The following LATS2 variants were observed in gnomAD, a reference collection of about 807,000 sequenced individuals.
LATS2 encodes the protein serine/threonine-protein kinase LATS2.
LATS2 carries 24 observed loss-of-function variants against 76.0 expected under a neutral mutation model. The ratio of observed to expected loss-of-function variants is 0.32; its 90% CI spans 0.23 to 0.44. The LOEUF is 0.44. Among genes scored for constraint, LATS2 ranks in the 20% least tolerant of loss-of-function variants. LATS2 has a pLI of 1.00. For synonymous variants in LATS2, 692 were observed against 635.4 expected, an observed-to-expected ratio of 1.09 and a Z score of -1.34; for missense variants, 1,286 against 1,481.2, an observed-to-expected ratio of 0.87 and a Z score of 2.16.
intron 2 of LATS2, among the ~76,000 whole-genome samples, chr13:21,004,193 T>C (rs1871165947): frequency 1.3e-5 from 2 of 152,184 alleles, no homozygotes; most frequent in African/African-American, 4.8e-5. Flanking sequence ...CCCAGCACTT[T>C]GGGAAGCTAA....
chr13:21,053,405 G>A (rs1873344477), intron 1 of LATS2, among the ~76,000 whole-genome samples: 3 of 151,928 alleles, frequency 2.0e-5, no homozygotes, highest in South Asian at 4.2e-4. Context: ...CCACTGGCTG[G>A]TGTGCTTCCT....
At position 20,989,057 on chromosome 13, in the gene LATS2, T is replaced by G. The variant is rs531615493; in HGVS notation, c.723A>C (p.Ala241=). ...CCTGCAGCGGGAAGTGTGCCCCTGC[T>G]GCCTCTACGCTGGCACCGTAGCCCT... ...PPKGYGASVE[A]AGAHFPLQGA... The change falls in exon 4 of 8, where the codon GCA becomes GCC. Residue 241 remains alanine, a synonymous_variant. Coordinates refer to ENST00000382592, the MANE Select transcript of LATS2 (RefSeq NM_014572.3). 5.7e-6 allele frequency: 9 copies of G among 1,580,306 alleles called. No homozygotes were observed. In the African/African-American group the frequency reaches 1.1e-4, roughly 19 times the overall value.
intron 2 of LATS2, among the ~76,000 whole-genome samples, chr13:21,023,954 C>G (rs1257181611): frequency 2.6e-5 from 4 of 151,636 alleles, no homozygotes; most frequent in African/African-American, 9.7e-5. Context: ...GCCTGGGCAA[C>G]AAGAGTGAAA....
Position 20,991,566 on chromosome 13 carries a change from G to A in LATS2, c.343-162C>T, listed in dbSNP as rs1349462770. On this transcript the variant is annotated intron_variant, in intron 2 of 7. Coordinates refer to ENST00000382592, the MANE Select transcript of LATS2 (RefSeq NM_014572.3). The surrounding 1 kb of genome is among the most constrained non-coding windows in gnomAD (Gnocchi z 4.9). Reference sequence around the variant, plus strand: ...GAGACCCTCAGAATGAGTGCAGGTGGCTGTGTGCCCTGCAGGTACCTGATG... The same window carrying A: ...GAGACCCTCAGAATGAGTGCAGGTGACTGTGTGCCCTGCAGGTACCTGATG... 1.3e-5 allele frequency among the ~76,000 whole-genome samples: 2 copies of A among 152,188 alleles called. No homozygotes were observed. The highest frequency in any genetic ancestry group is 3.9e-4 in the East Asian group (2 of 5,192).
At chr13:21,008,394 G>A (rs1871443478) in intron 2 of LATS2, among the ~76,000 whole-genome samples, 1 of 152,128 alleles carries the variant, frequency 6.6e-6, no homozygotes, top group African/African-American at 2.4e-5. Flanking sequence ...TTGTTAGAAT[G>A]ACTTCAGACT....
intron 2 of LATS2, among the ~76,000 whole-genome samples, chr13:20,999,283 C>G (rs1870923716): frequency 6.6e-6 from 1 of 152,262 alleles, no homozygotes; most frequent in Admixed American, 6.5e-5. Context: ...GCCCCCGAAC[C>G]TTGGTAAACC....
At chr13:20,998,400 C>T (rs1870857933) in intron 2 of LATS2, among the ~76,000 whole-genome samples, 1 of 152,016 alleles carries the variant, frequency 6.6e-6, no homozygotes, top group Non-Finnish European at 1.5e-5. Flanking sequence ...TAAGAAAAAA[C>T]AAAGACTGAG....
At chr13:21,017,441 C>T (rs907821095) in intron 2 of LATS2, among the ~76,000 whole-genome samples, 8 of 152,036 alleles carry the variant, frequency 5.3e-5, no homozygotes, top group African/African-American at 1.9e-4. Flanking sequence ...TCTCAAGGTA[C>T]AGGGATTACA....
intron 2 of LATS2, among the ~76,000 whole-genome samples, chr13:21,041,032 G>A (rs781567974): frequency 7.9e-5 from 12 of 151,868 alleles, no homozygotes; most frequent in Non-Finnish European, 1.6e-4. Context: ...GAGTACAGTG[G>A]CACGATCTGG....
chr13:20,997,427 G>T (rs1049498874), intron 2 of LATS2, among the ~76,000 whole-genome samples: 1 of 152,216 alleles, frequency 6.6e-6, no homozygotes, highest in Non-Finnish European at 1.5e-5. Flanking sequence ...ACAAAACGGC[G>T]AGGTGGCTGA....
At chr13:20,982,327 T>C (rs1274643615) in intron 5 of LATS2, among the ~76,000 whole-genome samples, 1 of 152,210 alleles carries the variant, frequency 6.6e-6, no homozygotes, top group Admixed American at 6.5e-5. Flanking sequence ...TTTATTTTAT[T>C]TGAGACAGAG....
In LATS2 at chr13:20,989,198, T is replaced by G. The variant is rs1227748471; in HGVS notation, c.582A>C (p.Pro194=). The G allele has an allele frequency of 1.2e-6, 2 of 1,613,680 alleles. No homozygotes were observed. Among genetic ancestry groups the G allele is most frequent in the African/African-American group, 1.3e-5 (1 of 75,066 alleles). ...CCGTGGGGCCGTCAGCGCCGAAGCT[T>G]GGGCCCTCGTAGGGGGTACCGCTCA... ...HQLSGTPYEG[P]SFGADGPTAL... Residue 194 remains proline, a synonymous_variant, in exon 4 of 8, where the codon CCA becomes CCC. Coordinates refer to ENST00000382592, the MANE Select transcript of LATS2 (RefSeq NM_014572.3).
At position 21,049,550 on chromosome 13, in the gene LATS2, C is replaced by T. The variant is rs550690041; in HGVS notation, c.-204-3320G>A. ...CCTCCCGGCTCACTCACATTCCTTA[C>T]AGGAGCAGCCACCTGTGATATGTCT... is the stretch of plus-strand genomic sequence containing the variant. On this transcript the variant is annotated intron_variant, in intron 1 of 7. Transcript: ENST00000382592. 2.2e-4 allele frequency among the ~76,000 whole-genome samples: 33 copies of T among 152,300 alleles called. No individual in the cohort carries two copies. The East Asian group carries it at 4.0e-3, about 19-fold the overall frequency.
intron 2 of LATS2, among the ~76,000 whole-genome samples, chr13:21,008,707 TAG>T (rs1437500411): frequency 7.2e-5 from 11 of 152,142 alleles, no homozygotes; most frequent in Non-Finnish European, 1.6e-4. Context: ...TTGGCAAAGT[TAG>T]AGAGATGCTG....
intron 4 of LATS2, among the ~76,000 whole-genome samples, chr13:20,985,380 A>G (rs1870095275): frequency 6.6e-6 from 1 of 152,244 alleles, no homozygotes; most frequent in Non-Finnish European, 1.5e-5. Flanking sequence ...ACAAAAGACT[A>G]TTATTCAGAA....
Position 20,974,838 on chromosome 13 carries a change from G to T in LATS2, c.*32C>A. 1 of 1,573,216 alleles carries T rather than the reference G, an allele frequency of 6.4e-7. No homozygotes were observed. ...CCGGCTCCGGGACCCTGACCTGGGA[G>T]GCAGCGAGTGGTGGGGGTGCCTGGC... On this transcript the variant is annotated 3_prime_UTR_variant, in exon 8 of 8. Coordinates refer to ENST00000382592, the MANE Select transcript of LATS2 (RefSeq NM_014572.3).
intron 4 of LATS2, among the ~76,000 whole-genome samples, chr13:20,987,062 G>T (rs140622706): frequency 3.9e-5 from 6 of 152,300 alleles, no homozygotes; most frequent in African/African-American, 9.6e-5. Context: ...AGGCGTGGTG[G>T]TAGGCACCTG....
At chr13:21,039,097 T>C (rs1872780814) in intron 2 of LATS2, among the ~76,000 whole-genome samples, 1 of 152,118 alleles carries the variant, frequency 6.6e-6, no homozygotes, top group African/African-American at 2.4e-5. Flanking sequence ...TAAAAAGGTA[T>C]GTGGTGTGCC....
At chr13:21,049,164 A>C (rs748868918) in intron 1 of LATS2, among the ~76,000 whole-genome samples, 13 of 152,190 alleles carry the variant, frequency 8.5e-5, no homozygotes, top group Non-Finnish European at 1.8e-4. Context: ...AGGAGGTCAA[A>C]GGACTCGGGG....
Sources: allele counts gnomAD v4.1 joint callset (sites outside exome capture counted in the v4.1 genomes callset), GRCh38; gene constraint gnomAD v4.1.1; non-coding constraint Gnocchi (gnomAD v3.1); transcripts MANE v1.5; gene names NCBI Gene and HGNC (gene_info 2026-07-23, HGNC 2026-07-21).